Variants in RSU1 observed in about 807,000 individuals in gnomAD.
RSU1 encodes the protein rsu-1.
Under a neutral mutation model 31.1 loss-of-function variants are expected in RSU1, and 26 were observed. That is an observed-to-expected ratio of 0.84 (90% CI 0.61 to 1.16). The LOEUF is 1.16. RSU1 is among the 50% of genes most tolerant of loss of function. The probability of loss-of-function intolerance (pLI) is 0.00; values close to 1 mark genes in which losing one functional copy is unlikely to be tolerated. For missense variants in RSU1, 320 were observed against 339.1 expected (o/e 0.94, Z 0.44); for synonymous variants, 164 against 136.3 (o/e 1.20, Z -1.41).
intron 7 of RSU1, 127 bp from the exon 8 acceptor site, chr10:16,695,282 T>A (rs899906659): frequency 5.6e-6 from 5 of 888,568 alleles, no homozygotes; most frequent in African/African-American, 1.7e-5. Flanking sequence ...GATCATTTGA[T>A]GTCTTTTAAA....
intron 8 of RSU1, among the ~76,000 whole-genome samples, chr10:16,614,955 C>T (rs1833951107): frequency 1.3e-5 from 2 of 152,110 alleles, no homozygotes; most frequent in African/African-American, 4.8e-5. Context: ...AGACCAAGGA[C>T]ACTATGAAGA....
chr10:16,756,736 G>C (rs1307520699), intron 4 of RSU1, among the ~76,000 whole-genome samples: 2 of 152,168 alleles, frequency 1.3e-5, no homozygotes, highest in Non-Finnish European at 2.9e-5. Context: ...GTAATGTGTG[G>C]ATTTTTGACT....
chr10:16,702,646 T>G (rs566200911), intron 7 of RSU1, among the ~76,000 whole-genome samples: 16 of 152,356 alleles, frequency 1.1e-4, no homozygotes, highest in African/African-American at 3.6e-4. Flanking sequence ...ACAGGAGTAT[T>G]TACCCAATGC....
At chr10:16,600,657 G>A (rs1833702462) in intron 8 of RSU1, among the ~76,000 whole-genome samples, 1 of 151,560 alleles carries the variant, frequency 6.6e-6, no homozygotes, top group Non-Finnish European at 1.5e-5. Flanking sequence ...TGACCGCTGT[G>A]CTCAAGCGAT....
chr10:16,706,415 T>A (rs1409950700), intron 7 of RSU1, among the ~76,000 whole-genome samples: 1 of 152,228 alleles, frequency 6.6e-6, no homozygotes, highest in Non-Finnish European at 1.5e-5. Context: ...GAAAAAGTTA[T>A]TCAAGTCCCT....
At chr10:16,593,586 C>T (rs943262035) in intron 8 of RSU1, 90 bp from the exon 9 acceptor site, 1 of 1,002,764 alleles carries the variant, frequency 1.0e-6, no homozygotes, top group African/African-American at 1.6e-5. Context: ...AGAAGAATCT[C>T]CAAAAATATT....
At chr10:16,689,806 G>C (rs376109735) in intron 8 of RSU1, among the ~76,000 whole-genome samples, 4 of 152,328 alleles carry the variant, frequency 2.6e-5, no homozygotes, top group East Asian at 3.9e-4. Context: ...TTTCCGGAGA[G>C]AGAAAAGAAA....
chr10:16,804,886 A>G (rs542520866), intron 2 of RSU1, among the ~76,000 whole-genome samples: 2 of 152,326 alleles, frequency 1.3e-5, no homozygotes, highest in East Asian at 1.9e-4. Flanking sequence ...TAACTGTTCC[A>G]TGTGATACTG....
rs555242361 is a variant in RSU1, at chr10:16,752,529, G to A, written c.598+10C>T. On this transcript the variant is annotated intron_variant, in intron 7 of 8. Coordinates refer to ENST00000345264, the MANE Select transcript of RSU1 (RefSeq NM_012425.4). ...AACCCAGAACTAAGTTCATTCATCA[G>A]CAACCTTACCTAGTTCTGGGGGCAG... is the stretch of plus-strand genomic sequence containing the variant. 7 of 1,596,460 alleles carry A rather than the reference G, an allele frequency of 4.4e-6. No individual in the cohort carries two copies. The Admixed American group carries it at 8.4e-5, about 19-fold the overall frequency.
At chr10:16,776,667 A>G (rs1168640915) in intron 3 of RSU1, among the ~76,000 whole-genome samples, 1 of 152,162 alleles carries the variant, frequency 6.6e-6, no homozygotes, top group Non-Finnish European at 1.5e-5. Flanking sequence ...CTAAACAATT[A>G]CATTCAGAGA....
intron 7 of RSU1, among the ~76,000 whole-genome samples, chr10:16,708,996 TG>T (rs1835962837): frequency 6.6e-6 from 1 of 151,104 alleles, no homozygotes; most frequent in South Asian, 2.1e-4. Context: ...TAGAGTCCTT[TG>T]GTTTTTTTTT....
chr10:16,652,481 C>T (rs889712753), intron 8 of RSU1, among the ~76,000 whole-genome samples: 6 of 149,582 alleles, frequency 4.0e-5, no homozygotes, highest in Non-Finnish European at 8.9e-5. Flanking sequence ...CCAGGATGAT[C>T]GGAATGTTCC....
chr10:16,737,441 T>C (rs900944247), intron 7 of RSU1, among the ~76,000 whole-genome samples: 8 of 151,160 alleles, frequency 5.3e-5, no homozygotes, highest in Non-Finnish European at 1.2e-4. Flanking sequence ...GAAAACACCC[T>C]TGAAGCAAGG....
intron 4 of RSU1, among the ~76,000 whole-genome samples, chr10:16,755,412 C>A (rs1181976117): frequency 1.3e-5 from 2 of 151,732 alleles, no homozygotes; most frequent in Non-Finnish European, 2.9e-5. Context: ...CGTGAGCCCC[C>A]ATGCCCATCC....
intron 4 of RSU1, among the ~76,000 whole-genome samples, chr10:16,758,082 C>T (rs1837134115): frequency 6.6e-6 from 1 of 152,168 alleles, no homozygotes; most frequent in Non-Finnish European, 1.5e-5. Context: ...AACCAATACC[C>T]ACAACATTTA....
At chr10:16,774,620 A>C (rs1407168599) in intron 3 of RSU1, among the ~76,000 whole-genome samples, 1 of 152,158 alleles carries the variant, frequency 6.6e-6, no homozygotes, top group Non-Finnish European at 1.5e-5. Flanking sequence ...GCATGCAAAC[A>C]TACTAGTGTT....
chr10:16,792,137 T>A (rs530477034), intron 2 of RSU1, among the ~76,000 whole-genome samples: 142 of 152,296 alleles, frequency 9.3e-4, no homozygotes, highest in African/African-American at 3.3e-3. Context: ...TCTGTAACGT[T>A]GGTCATAAAA....
rs561249278 is a variant in RSU1 at position 16,787,688 on chromosome 10, G to C, written c.110-5604C>G. 3.9e-5 allele frequency among the ~76,000 whole-genome samples: 6 copies of C among 152,270 alleles called. No individual in the cohort carries two copies. In the South Asian group the frequency reaches 1.2e-3, roughly 32 times the overall value. ...TATAAATGGGAGTTCCCCTGCACAC[G>C]CTCTCTTACCTGCCCCCATGTAAGA... On this transcript the variant is annotated intron_variant, in intron 2 of 8. Coordinates refer to ENST00000345264, the MANE Select transcript of RSU1 (RefSeq NM_012425.4).
At position 16,750,515 on chromosome 10, in the gene RSU1, A is replaced by T. The variant is rs181740706; in HGVS notation, c.598+2024T>A. ...TAAGCAAAATGAGTAAGATTTTAAA[A>T]TATATACATAGGCATGCGTAGGTTC... On this transcript the variant is annotated intron_variant, in intron 7 of 8. Transcript: ENST00000345264. 3.7e-3 allele frequency among the ~76,000 whole-genome samples: 559 copies of T among 152,346 alleles called. 1 individual carries two copies. Among genetic ancestry groups the T allele is most frequent in the Non-Finnish European group, 6.0e-3 (410 of 68,034 alleles).
Sources: allele counts gnomAD v4.1 joint callset (sites outside exome capture counted in the v4.1 genomes callset), GRCh38; gene constraint gnomAD v4.1.1; transcripts MANE v1.5; gene names NCBI Gene and HGNC (gene_info 2026-07-23, HGNC 2026-07-21).